The following TANC1 variants were observed in gnomAD, a reference collection of about 807,000 sequenced individuals.
The protein encoded by TANC1 is protein TANC1.
A neutral mutation model predicts 149.7 loss-of-function variants in TANC1; 77 were observed. The observed-to-expected ratio is 0.51, with a 90% CI of 0.43 to 0.62. The LOEUF (loss-of-function observed/expected upper bound fraction) is 0.62, where lower values mean the gene tolerates loss of function less well. Among genes scored for constraint, TANC1 ranks in the 20% least tolerant of loss-of-function variants. TANC1 has a pLI of 0.00. For missense variants in TANC1, 1,985 were observed against 2,321.8 expected, an observed-to-expected ratio of 0.85 and a Z score of 2.98; for synonymous variants, 854 against 925.0, an observed-to-expected ratio of 0.92 and a Z score of 1.39.
At chr2:159,105,220 T>G (rs974932089) in intron 4 of TANC1, among the ~76,000 whole-genome samples, 1 of 150,590 alleles carries the variant, frequency 6.6e-6, no homozygotes, top group Non-Finnish European at 1.5e-5. Flanking sequence ...GGTCTCGATC[T>G]CCTGATCCCA....
chr2:158,971,478 T>TA (rs2032873604), intron 1 of TANC1, among the ~76,000 whole-genome samples: 1 of 152,176 alleles, frequency 6.6e-6, no homozygotes. Context: ...AGTGTTTATA[T>TA]ATTTGTGGGG....
chr2:159,063,924 TGTG>T (rs1270348925), intron 2 of TANC1, among the ~76,000 whole-genome samples: 4 of 152,076 alleles, frequency 2.6e-5, no homozygotes, highest in Non-Finnish European at 4.4e-5. Flanking sequence ...AGCTCATGGA[TGTG>T]GTGGGGCCTG....
At chr2:159,107,472 T>A (rs115785473) in intron 4 of TANC1, among the ~76,000 whole-genome samples, 525 of 152,382 alleles carry the variant, frequency 3.4e-3, no homozygotes, top group Non-Finnish European at 6.0e-3. Context: ...CCTAACAGTT[T>A]TGACTCTTAC....
chr2:159,029,130 CTT>C (rs1336952094), intron 2 of TANC1, among the ~76,000 whole-genome samples: 3 of 152,126 alleles, frequency 2.0e-5, no homozygotes, highest in African/African-American at 7.2e-5. Flanking sequence ...TTTTATTTCT[CTT>C]GTGTGATGTC....
rs1440052259 is a variant in TANC1, at chr2:159,064,792, G to GGTGGTGT, written c.-15-1094_-15-1088dup. Among the ~76,000 whole-genome samples, 4 of 152,238 alleles carry GGTGGTGT rather than the reference G, an allele frequency of 2.6e-5. No individual in the cohort carries two copies. The East Asian group carries it at 5.8e-4, about 22-fold the overall frequency. ...CTTCTGCTTACTCTGGGGGCTGAGA[G>GGTGGTGT]GTGGTGTGTGGTGTGTTACACTGAG... On this transcript the variant is annotated intron_variant, in intron 2 of 26. Transcript: ENST00000263635.
intron 19 of TANC1, among the ~76,000 whole-genome samples, chr2:159,210,473 G>A (rs986269292): frequency 6.6e-5 from 10 of 152,178 alleles, no homozygotes; most frequent in African/African-American, 2.2e-4. Context: ...TAATATATAA[G>A]AGATTCCTGC....
At chr2:159,067,923 G>A (rs1451083535) in intron 3 of TANC1, among the ~76,000 whole-genome samples, 1 of 152,242 alleles carries the variant, frequency 6.6e-6, no homozygotes, top group East Asian at 1.9e-4. Flanking sequence ...TTCAGAGCAT[G>A]TGATTTTGGG....
At chr2:159,219,433 C>A in intron 21 of TANC1, 72 bp downstream of exon 21, 1 of 1,583,570 alleles carries the variant, frequency 6.3e-7, no homozygotes, top group Non-Finnish European at 8.6e-7. Context: ...CCATTCAGTG[C>A]TTTCTGATTC....
chr2:159,010,322 A>G (rs1183414877), intron 2 of TANC1, among the ~76,000 whole-genome samples: 4 of 152,210 alleles, frequency 2.6e-5, no homozygotes, highest in Admixed American at 6.5e-5. Flanking sequence ...AACTGAGAAA[A>G]TGATAGTTGG....
In TANC1 at chr2:159,080,865, C is replaced by T. The variant is rs192336559; in HGVS notation, c.61+14894C>T. 2.1e-3 allele frequency among the ~76,000 whole-genome samples: 315 copies of T among 152,304 alleles called. 2 individuals carry two copies. The highest frequency in any genetic ancestry group is 7.0e-3 in the African/African-American group (292 of 41,556). ...CACTGTGCCCTATCCCTCAGCCAGCCAGACGGCCTCCCAACTCCTGACCAG... is the reference window on the plus strand; with the variant it reads ...CACTGTGCCCTATCCCTCAGCCAGCTAGACGGCCTCCCAACTCCTGACCAG... On this transcript the variant is annotated intron_variant, in intron 3 of 26. Coordinates refer to ENST00000263635, the MANE Select transcript of TANC1 (RefSeq NM_033394.3).
intron 7 of TANC1, among the ~76,000 whole-genome samples, chr2:159,160,300 CA>C (rs1215608165): frequency 4.6e-5 from 7 of 151,980 alleles, no homozygotes; most frequent in South Asian, 4.2e-4. Flanking sequence ...AAACATTAGC[CA>C]GTCTCTGGGA....
chr2:159,063,312 T>C (rs1430241518), intron 2 of TANC1, among the ~76,000 whole-genome samples: 2 of 152,204 alleles, frequency 1.3e-5, no homozygotes, highest in Non-Finnish European at 2.9e-5. Context: ...CTCTGGAGTG[T>C]ACTGTCATTA....
chr2:159,111,416 G>A (rs2047702217), intron 4 of TANC1, among the ~76,000 whole-genome samples: 1 of 152,234 alleles, frequency 6.6e-6, no homozygotes, highest in Non-Finnish European at 1.5e-5. Context: ...AGCACTTGAG[G>A]CAGAAGCCTT....
At chr2:159,160,768 C>T (rs1294220616) in intron 7 of TANC1, among the ~76,000 whole-genome samples, 1 of 152,230 alleles carries the variant, frequency 6.6e-6, no homozygotes, top group Non-Finnish European at 1.5e-5. Context: ...GCCTCTCTCA[C>T]AGGAACTTTG....
At chr2:159,211,427 G>A (rs2058974870) in intron 19 of TANC1, among the ~76,000 whole-genome samples, 1 of 152,164 alleles carries the variant, frequency 6.6e-6, no homozygotes, top group Non-Finnish European at 1.5e-5. Flanking sequence ...CAGAAGGCAA[G>A]GTACTGCCCA....
chr2:159,169,445 C>A (rs1156726141), intron 9 of TANC1, 73 bp downstream of exon 9: 3 of 1,508,132 alleles, frequency 2.0e-6, no homozygotes, highest in African/African-American at 2.8e-5. Flanking sequence ...TCTGTGATAA[C>A]CAGCATTGAA....
At chr2:159,022,114 T>C (rs2038877254) in intron 2 of TANC1, among the ~76,000 whole-genome samples, 1 of 152,210 alleles carries the variant, frequency 6.6e-6, no homozygotes, top group African/African-American at 2.4e-5. Context: ...CCAACAACCT[T>C]TGGTGGTATT....
intron 8 of TANC1, 126 bp downstream of exon 8, chr2:159,163,672 C>A (rs2054283344): frequency 1.0e-6 from 1 of 968,104 alleles, no homozygotes; most frequent in South Asian, 1.7e-5. Context: ...AGGCACTTAC[C>A]TTTTCTAAGC....
chr2:159,104,871 A>G (rs2047005280), intron 4 of TANC1, among the ~76,000 whole-genome samples: 1 of 116,396 alleles, frequency 8.6e-6, no homozygotes, highest in Admixed American at 8.7e-5. Flanking sequence ...CTCTTGCTTA[A>G]TATTTTATCA....
Sources: gnomAD v4.1 joint callset for allele counts (sites outside exome capture counted in the v4.1 genomes callset) on GRCh38, gnomAD v4.1.1 for gene constraint, MANE v1.5 for transcripts, NCBI Gene and HGNC (gene_info 2026-07-23, HGNC 2026-07-21) for gene names.